Variants in STK32B observed in about 807,000 individuals in gnomAD.
STK32B encodes the protein serine/threonine kinase 32B, also known as serine/threonine-protein kinase 32B.
STK32B carries 43 observed loss-of-function variants against 52.6 expected under a neutral mutation model. The observed-to-expected ratio is 0.82, with a 90% CI of 0.64 to 1.05. The LOEUF (loss-of-function observed/expected upper bound fraction) is 1.05, where lower values mean the gene tolerates loss of function less well. Among genes scored for constraint, STK32B ranks in the 50% least tolerant of loss-of-function variants. STK32B has a pLI of 0.00. For missense variants in STK32B, 621 were observed against 534.6 expected (o/e 1.16, Z -1.59); for synonymous variants, 238 against 204.3 (o/e 1.17, Z -1.41).
In STK32B at chr4:5,246,073, G is replaced by A. The variant is rs9994703; in HGVS notation, c.260+77623G>A. Among the ~76,000 whole-genome samples, 1,143 of 152,232 alleles carry A rather than the reference G, an allele frequency of 7.5e-3. 18 individuals are homozygous for A. The highest frequency in any genetic ancestry group is 0.075 in the East Asian group (387 of 5,170). ...GTCTTGGAGTTGCTCTTCTCGAGGA[G>A]TATCTTTGTGGCATTCTCTGTATTT... On this transcript the variant is annotated intron_variant, in intron 3 of 11. Coordinates refer to ENST00000282908, the MANE Select transcript of STK32B (RefSeq NM_018401.3).
At chr4:5,485,136 GT>G (rs1202447319) in intron 11 of STK32B, among the ~76,000 whole-genome samples, 1 of 152,026 alleles carries the variant, frequency 6.6e-6, no homozygotes, top group Non-Finnish European at 1.5e-5. Context: ...ATGTTGGCCT[GT>G]CTTGCTACAC....
intron 3 of STK32B, among the ~76,000 whole-genome samples, chr4:5,242,565 G>C (rs572148727): frequency 6.6e-6 from 1 of 152,194 alleles, no homozygotes; most frequent in Admixed American, 6.5e-5. Flanking sequence ...TTGCTGTGCA[G>C]AAGCTCTTGA....
At chr4:5,266,753 A>G (rs766802871) in intron 3 of STK32B, among the ~76,000 whole-genome samples, 9 of 152,090 alleles carry the variant, frequency 5.9e-5, no homozygotes, top group Non-Finnish European at 1.2e-4. Context: ...ATCTTTAGCA[A>G]TTCCCCTTGG....
rs1379297837 is a variant in STK32B, at chr4:5,398,186, C to A, written c.435-21C>A. 6.2e-7 allele frequency: 1 copy of A among 1,613,696 alleles called. No homozygotes were observed. Among genetic ancestry groups the A allele is most frequent in the South Asian group, 1.1e-5 (1 of 91,012 alleles). ...GTGGGCTCAGGAACCACATTGCCAG[C>A]TTCTTTGTTTTCTTTTACAGAGACA... On this transcript the variant is annotated intron_variant, in intron 4 of 11. Transcript: ENST00000282908. The surrounding 1 kb of genome is among the most constrained non-coding windows in gnomAD (Gnocchi z 4.9).
intron 4 of STK32B, among the ~76,000 whole-genome samples, chr4:5,358,300 A>G (rs1390960589): frequency 6.6e-6 from 1 of 152,266 alleles, no homozygotes; most frequent in African/African-American, 2.4e-5. Context: ...AGCAGGAAAC[A>G]AATCTTTAAA....
At chr4:5,117,485 T>C (rs1714796002) in intron 1 of STK32B, among the ~76,000 whole-genome samples, 1 of 152,214 alleles carries the variant, frequency 6.6e-6, no homozygotes, top group African/African-American at 2.4e-5. Flanking sequence ...GTACTTGTAA[T>C]TTGCAGTTCT....
chr4:5,388,508 G>T (rs1431918750), intron 4 of STK32B, among the ~76,000 whole-genome samples: 1 of 152,192 alleles, frequency 6.6e-6, no homozygotes, highest in South Asian at 2.1e-4. Context: ...CTCACAGGCT[G>T]CCTTGCAGTC....
chr4:5,304,310 G>C (rs942516866), intron 3 of STK32B, among the ~76,000 whole-genome samples: 7 of 152,084 alleles, frequency 4.6e-5, no homozygotes. Context: ...CCATCTATGA[G>C]CATGGGATGT....
intron 2 of STK32B, among the ~76,000 whole-genome samples, chr4:5,158,783 G>A (rs1012902949): frequency 6.6e-6 from 1 of 152,090 alleles, no homozygotes; most frequent in African/African-American, 2.4e-5. Flanking sequence ...TCTCTGTCCC[G>A]ATCCCTCTTC....
chr4:5,171,940 G>C (rs1014367120), intron 3 of STK32B, among the ~76,000 whole-genome samples: 5 of 151,742 alleles, frequency 3.3e-5, no homozygotes, highest in African/African-American at 1.2e-4. Context: ...CTACCCATGA[G>C]CATGGAATGT....
At chr4:5,346,733 G>C (rs1733488003) in intron 4 of STK32B, among the ~76,000 whole-genome samples, 1 of 152,160 alleles carries the variant, frequency 6.6e-6, no homozygotes, top group Non-Finnish European at 1.5e-5. Flanking sequence ...GCTGTTGAGG[G>C]ATTGAATAAG....
intron 3 of STK32B, among the ~76,000 whole-genome samples, chr4:5,233,725 G>A (rs926850882): frequency 1.3e-5 from 2 of 151,486 alleles, no homozygotes; most frequent in African/African-American, 2.4e-5. Context: ...TTGGGAGGCT[G>A]GGGTCACACA....
At chr4:5,243,231 G>T (rs1015460645) in intron 3 of STK32B, among the ~76,000 whole-genome samples, 2 of 152,126 alleles carry the variant, frequency 1.3e-5, no homozygotes, top group African/African-American at 4.8e-5. Flanking sequence ...TCTTCCATTT[G>T]TTTGTATCCT....
chr4:5,045,474 A>T, the STK32B span, among the ~76,000 whole-genome samples: 1 of 152,300 alleles, frequency 6.6e-6, no homozygotes, highest in Admixed American at 6.5e-5. Flanking sequence ...TTTGATAGAA[A>T]TAGTATTGAA....
intron 2 of STK32B, among the ~76,000 whole-genome samples, chr4:5,163,863 T>C (rs962728515): frequency 6.6e-6 from 1 of 152,162 alleles, no homozygotes; most frequent in African/African-American, 2.4e-5. Flanking sequence ...GAGGACACTT[T>C]GCGAGAGGCT....
the STK32B span, among the ~76,000 whole-genome samples, chr4:5,031,581 T>A: frequency 1.4e-4 from 21 of 151,798 alleles, no homozygotes; most frequent in South Asian, 2.1e-4. Flanking sequence ...TCTAGGAGAC[T>A]CTGTCTCCAA....
rs1490142797 is a variant in STK32B at position 5,459,990 on chromosome 4, T to C, written c.784-113T>C. 1.5e-5 allele frequency: 22 copies of C among 1,484,848 alleles called. 1 individual carries two copies. Among genetic ancestry groups the C allele is most frequent in the Non-Finnish European group, 1.9e-5 (20 of 1,078,076 alleles). 92.0% of individuals were successfully genotyped at this position (1,484,848 alleles called of 1,614,324 possible). A position where few individuals can be genotyped will look rare whatever the true frequency, so the allele number is the denominator to read the frequency against. On this transcript the variant is annotated intron_variant, in intron 8 of 11. Coordinates refer to ENST00000282908, the MANE Select transcript of STK32B (RefSeq NM_018401.3). ...TGACCCAGACGGGGCACAACATCAA[T>C]AGAGCGTGAAGAGCAGAGGCACATT...
chr4:5,121,885 A>T (rs527361823), intron 1 of STK32B, among the ~76,000 whole-genome samples: 106 of 152,216 alleles, frequency 7.0e-4, no homozygotes, highest in Non-Finnish European at 1.2e-3. Context: ...GCTGCCAGCC[A>T]CAAGTGAGGG....
intron 1 of STK32B, among the ~76,000 whole-genome samples, chr4:5,109,056 G>T (rs1304265070): frequency 6.6e-6 from 1 of 152,102 alleles, no homozygotes; most frequent in East Asian, 1.9e-4. Context: ...AATTGCCATG[G>T]TCTCCCCAGC....
Sources: allele counts gnomAD v4.1 joint callset (sites outside exome capture counted in the v4.1 genomes callset), GRCh38; gene constraint gnomAD v4.1.1; non-coding constraint Gnocchi (gnomAD v3.1); transcripts MANE v1.5; gene names NCBI Gene and HGNC (gene_info 2026-07-23, HGNC 2026-07-21).